The following KCNK18 variants were observed in gnomAD, a reference collection of about 807,000 sequenced individuals.
KCNK18 encodes potassium channel subfamily K member 18.
KCNK18 carries 8 observed loss-of-function variants against 11.8 expected under a neutral mutation model. The observed-to-expected ratio is 0.68, with a 90% CI of 0.40 to 1.22. The LOEUF (loss-of-function observed/expected upper bound fraction) is 1.22, where lower values mean the gene tolerates loss of function less well. Among genes scored for constraint, KCNK18 ranks in the 50% most tolerant of loss-of-function variants. The pLI is 0.01. For missense variants in KCNK18, 442 were observed against 465.4 expected (o/e 0.95, Z 0.46); for synonymous variants, 208 against 185.8 (o/e 1.12, Z -0.97).
At position 117,203,256 on chromosome 10, in the gene KCNK18, G is replaced by A. The variant is rs144359207; in HGVS notation, c.352+1969G>A. ...GGACAGCAGCTACACCACTCAGCAC[G>A]TGCTGGATGTGGGGTCCAGGTGCTT... On this transcript the variant is annotated intron_variant, in intron 2 of 2. Coordinates refer to ENST00000334549, the MANE Select transcript of KCNK18 (RefSeq NM_181840.1). Among the ~76,000 whole-genome samples, 383 of 152,218 alleles carry A rather than the reference G, an allele frequency of 2.5e-3. 3 individuals are homozygous for A. Among genetic ancestry groups the A allele is most frequent in the African/African-American group, 8.4e-3 (351 of 41,546 alleles).
At chr10:117,200,586 T>C (rs991451981) in intron 1 of KCNK18, among the ~76,000 whole-genome samples, 1 of 151,984 alleles carries the variant, frequency 6.6e-6, no homozygotes, top group African/African-American at 2.4e-5. Flanking sequence ...GGCAGGTGGA[T>C]CACAAGGTCA....
At chr10:117,199,677 GTCTC>G (rs1489129727) in intron 1 of KCNK18, among the ~76,000 whole-genome samples, 2 of 152,232 alleles carry the variant, frequency 1.3e-5, no homozygotes, top group Admixed American at 1.3e-4. Flanking sequence ...ATCTCAGGCT[GTCTC>G]TCTGATGGGG....
At chr10:117,205,116 G>T (rs1227677465) in intron 2 of KCNK18, among the ~76,000 whole-genome samples, 1 of 152,136 alleles carries the variant, frequency 6.6e-6, no homozygotes, top group Non-Finnish European at 1.5e-5. Flanking sequence ...AATGCACCTG[G>T]CCTTAATGCT....
At chr10:117,201,430 C>G in intron 2 of KCNK18, 143 bp downstream of exon 2, 1 of 879,248 alleles carries the variant, frequency 1.1e-6, no homozygotes, top group Non-Finnish European at 1.8e-6. Flanking sequence ...ATATTGCACA[C>G]CTACAAATAG....
At chr10:117,203,255 C>T (rs183262378) in intron 2 of KCNK18, among the ~76,000 whole-genome samples, 44 of 152,252 alleles carry the variant, frequency 2.9e-4, no homozygotes, top group African/African-American at 1.0e-3. Context: ...CCACTCAGCA[C>T]GTGCTGGATG....
chr10:117,206,644 C>T (rs1289613630), intron 2 of KCNK18, among the ~76,000 whole-genome samples: 1 of 152,144 alleles, frequency 6.6e-6, no homozygotes, highest in Non-Finnish European at 1.5e-5. Context: ...CCCTCCCCTA[C>T]CTCCCTGCAC....
chr10:117,204,321 A>G (rs1054922433), intron 2 of KCNK18, among the ~76,000 whole-genome samples: 4 of 151,504 alleles, frequency 2.6e-5, no homozygotes, highest in African/African-American at 9.7e-5. Context: ...CATCTGAGGC[A>G]GGATTTCTCA....
In KCNK18 at chr10:117,210,253, T is replaced by C. The variant is rs373436792; in HGVS notation, c.1109T>C (p.Met370Thr). The C allele has an allele frequency of 5.0e-6, 8 of 1,614,160 alleles. No homozygotes were observed. Among genetic ancestry groups the C allele is most frequent in the East Asian group, 2.2e-5 (1 of 44,892 alleles). Residue 370 changes from methionine (M) to threonine (T), a missense_variant, in exon 3 of 3, where the codon ATG (methionine) becomes ACG (threonine). Coordinates refer to ENST00000334549, the MANE Select transcript of KCNK18 (RefSeq NM_181840.1). ...CTGATTGACATATACAAAAATGTTA[T>C]GCTATTCTTTGCAAAAGGGAAGTTT... ...NRLIDIYKNV[M>T]LFFAKGKFYH...
At chr10:117,202,384 C>T (rs369110581) in intron 2 of KCNK18, among the ~76,000 whole-genome samples, 7 of 152,348 alleles carry the variant, frequency 4.6e-5, no homozygotes, top group African/African-American at 1.2e-4. Flanking sequence ...ACTCGCCTGG[C>T]TTAAACCGCA....
rs1315774379 is a variant in KCNK18, at chr10:117,201,285, T to G, written c.350T>G (p.Val117Gly). ...LFFCCTVFST[V>G]GYGYIYPVTR... ...TTCTGCTGCACGGTGTTCAGCACCGTGGGTAAGTGCAAAGCCACAGTCCCC... is the reference window on the plus strand; with the variant it reads ...TTCTGCTGCACGGTGTTCAGCACCGGGGGTAAGTGCAAAGCCACAGTCCCC... Residue 117 changes from valine to glycine, a missense_variant and splice_region_variant, in exon 2 of 3, where the codon GTG (valine) becomes GGG (glycine). Coordinates refer to ENST00000334549, the MANE Select transcript of KCNK18 (RefSeq NM_181840.1). 1.2e-6 allele frequency: 2 copies of G among 1,613,036 alleles called. No individual in the cohort carries two copies. The highest frequency in any genetic ancestry group is 1.1e-5 in the South Asian group (1 of 91,034).
intron 2 of KCNK18, among the ~76,000 whole-genome samples, chr10:117,204,719 A>T (rs1855057276): frequency 6.6e-6 from 1 of 152,116 alleles, no homozygotes; most frequent in Admixed American, 6.5e-5. Context: ...GATGTGTGCT[A>T]ATGTTTGAGA....
chr10:117,209,174 G>T (rs958658398), intron 2 of KCNK18, among the ~76,000 whole-genome samples: 2 of 152,060 alleles, frequency 1.3e-5, no homozygotes, highest in African/African-American at 2.4e-5. Context: ...CCTTTGGGGG[G>T]TGCTCAGAAA....
Position 117,209,711 on chromosome 10 carries a change from A to G in KCNK18, c.567A>G (p.Lys189=), listed in dbSNP as rs535857727. 8.7e-6 allele frequency: 14 copies of G among 1,613,872 alleles called. No individual in the cohort carries two copies. In the East Asian group the frequency reaches 2.9e-4, roughly 33 times the overall value. ...KWCPKSLFKK[K]PDPKPADEAV... ...GCCCCAAATCTCTCTTCAAGAAAAA[A>G]CCGGACCCCAAGCCCGCAGATGAAG... Residue 189 remains lysine (K), a synonymous_variant, in exon 3 of 3, where the codon AAA becomes AAG. Coordinates refer to ENST00000334549, the MANE Select transcript of KCNK18 (RefSeq NM_181840.1).
intron 1 of KCNK18, among the ~76,000 whole-genome samples, chr10:117,200,074 CAA>C (rs1854995085): frequency 6.6e-6 from 1 of 152,114 alleles, no homozygotes. Context: ...CAAACTCCAT[CAA>C]GTTTTTATTT....
chr10:117,198,779 G>A (rs917333602), intron 1 of KCNK18, among the ~76,000 whole-genome samples: 6 of 152,182 alleles, frequency 3.9e-5, no homozygotes, highest in African/African-American at 1.4e-4. Flanking sequence ...AGAGTCTCCT[G>A]TCTGTGGAGG....
At chr10:117,209,418 CAGA>C in intron 2 of KCNK18, 76 bp from the exon 3 acceptor site, 1 of 1,132,852 alleles carries the variant, frequency 8.8e-7, no homozygotes, top group Non-Finnish European at 1.3e-6. Context: ...GGGGAGATGG[CAGA>C]AGGTCTCTTT....
At chr10:117,201,130 C>T (rs764744297) in intron 1 of KCNK18, 29 bp from the exon 2 acceptor site, 5 of 1,613,766 alleles carry the variant, frequency 3.1e-6, no homozygotes, top group African/African-American at 1.3e-5. Flanking sequence ...GAACCTTTTC[C>T]TCAAACTCTT....
At chr10:117,205,727 T>A (rs548177129) in intron 2 of KCNK18, among the ~76,000 whole-genome samples, 5 of 152,286 alleles carry the variant, frequency 3.3e-5, no homozygotes, top group African/African-American at 1.2e-4. Context: ...CAATTTACTG[T>A]CTGTGATGCA....
intron 1 of KCNK18, among the ~76,000 whole-genome samples, chr10:117,200,231 C>A (rs56830166): frequency 2.6e-5 from 4 of 152,074 alleles, no homozygotes; most frequent in Non-Finnish European, 5.9e-5. Flanking sequence ...GTGTGTGCCA[C>A]CACACCCGGC....
Sources: allele counts gnomAD v4.1 joint callset (sites outside exome capture counted in the v4.1 genomes callset), GRCh38; gene constraint gnomAD v4.1.1; transcripts MANE v1.5; gene names NCBI Gene and HGNC (gene_info 2026-07-23, HGNC 2026-07-21).